The following COG2 variants were observed in gnomAD, a reference collection of about 807,000 sequenced individuals.
The protein encoded by COG2 is component of oligomeric golgi complex 2, also known as conserved oligomeric Golgi complex subunit 2.
A neutral mutation model predicts 90.6 loss-of-function variants in COG2; 52 were observed. The ratio of observed to expected loss-of-function variants is 0.57; its 90% CI spans 0.46 to 0.72. The LOEUF (loss-of-function observed/expected upper bound fraction) is 0.72. Among genes scored for constraint, COG2 ranks in the 30% least tolerant of loss-of-function variants. The pLI is 0.00. For missense variants in COG2, 829 were observed against 891.2 expected (o/e 0.93, Z 0.89); for synonymous variants, 337 against 320.4 (o/e 1.05, Z -0.55).
intron 9 of COG2, among the ~76,000 whole-genome samples, chr1:230,676,378 G>A (rs1240330045): frequency 1.3e-5 from 2 of 151,778 alleles, no homozygotes; most frequent in Non-Finnish European, 2.9e-5. Flanking sequence ...CTTTATTTCT[G>A]TACATATTGA....
intron 1 of COG2, among the ~76,000 whole-genome samples, chr1:230,649,046 A>C (rs1251990567): frequency 2.0e-5 from 3 of 152,206 alleles, no homozygotes; most frequent in Non-Finnish European, 2.9e-5. Flanking sequence ...CCTTCTCGTA[A>C]ATACATCAAA....
chr1:230,691,364 A>G lies in COG2; in HGVS notation c.1935-20A>G, dbSNP rs961900730. On this transcript the variant is annotated intron_variant, in intron 16 of 17. Coordinates refer to ENST00000366669, the MANE Select transcript of COG2 (RefSeq NM_007357.3). ...CACACAAATGCCTCTTTTCACCAAT[A>G]AACGTGTCTTCTATTCAAGGTACTA... 1.9e-6 allele frequency: 3 copies of G among 1,578,086 alleles called. No homozygotes were observed. Among genetic ancestry groups the G allele is most frequent in the African/African-American group, 2.7e-5 (2 of 73,712 alleles).
rs1258601652 is a variant in COG2 at position 230,685,116 on chromosome 1, T to C, written c.1260T>C (p.His420=). 5 of 1,614,180 alleles carry C rather than the reference T, an allele frequency of 3.1e-6. No individual in the cohort carries two copies. Among genetic ancestry groups the C allele is most frequent in the South Asian group, 1.1e-5 (1 of 91,082 alleles). Residue 420 remains histidine, a synonymous_variant, in exon 12 of 18, where the codon CAT becomes CAC. Transcript: ENST00000366669. The part of the protein sequence containing the change: ...AESPYCLLAS[H]RTWSSLRRCW... ...GTCCGTATTGCCTTTTGGCTTCTCA[T>C]AGAACTTGGAGCAGCCTTAGGAGGT... is the stretch of plus-strand genomic sequence containing the variant.
chr1:230,679,675 G>A (rs1233069946), intron 10 of COG2: 1 of 152,176 alleles, frequency 6.6e-6, no homozygotes, highest in Non-Finnish European at 1.5e-5. Flanking sequence ...AAATACTTGG[G>A]GGAAATTTAG....
At chr1:230,661,639 C>G (rs1662180016) in intron 3 of COG2, 1 of 151,742 alleles carries the variant, frequency 6.6e-6, no homozygotes. Flanking sequence ...ATAGTATGCT[C>G]ACAGTAGGTG....
chr1:230,687,008 C>G lies in COG2; in HGVS notation c.1454C>G (p.Pro485Arg). 6.2e-7 allele frequency: 1 copy of G among 1,609,228 alleles called. No individual in the cohort carries two copies. The highest frequency in any genetic ancestry group is 8.5e-7 in the Non-Finnish European group (1 of 1,177,086). ...CCTTTGGTAACTGGTAGCAAAGAACCTTCCATCACCCAAGGAAACACTGAA... is the reference window on the plus strand; with the variant it reads ...CCTTTGGTAACTGGTAGCAAAGAACGTTCCATCACCCAAGGAAACACTGAA... The part of the protein sequence containing the change: ...KKPLVTGSKE[P>R]SITQGNTEDQ... Residue 485 changes from proline to arginine, a missense_variant, in exon 13 of 18, where the codon CCT (proline) becomes CGT (arginine). Coordinates refer to ENST00000366669, the MANE Select transcript of COG2 (RefSeq NM_007357.3).
chr1:230,681,469 A>G (rs1327091285), intron 10 of COG2: 1 of 152,178 alleles, frequency 6.6e-6, no homozygotes, highest in Non-Finnish European at 1.5e-5. Context: ...GGGTGCACTT[A>G]ATGATGTTTC....
At chr1:230,688,587 T>C (rs1662944203) in intron 15 of COG2, 25 bp downstream of exon 15, 1 of 1,612,684 alleles carries the variant, frequency 6.2e-7, no homozygotes. Flanking sequence ...TGGGAGAGAA[T>C]TTTGAGGTGG....
At chr1:230,691,599 T>C in intron 17 of COG2, 35 bp downstream of exon 17, 2 of 1,582,758 alleles carry the variant, frequency 1.3e-6, no homozygotes, top group Admixed American at 3.6e-5. Context: ...CCAGCGAGCC[T>C]GAAACCAAAT....
In COG2 at chr1:230,642,577, T is replaced by A; in HGVS notation, c.-30T>A. 1.2e-6 allele frequency: 2 copies of A among 1,603,908 alleles called. No homozygotes were observed. Among genetic ancestry groups the A allele is most frequent in the Non-Finnish European group, 8.5e-7 (1 of 1,175,130 alleles). On this transcript the variant is annotated 5_prime_UTR_variant, in exon 1 of 18. Transcript: ENST00000366669. Reference sequence around the variant, plus strand: ...AGCCTCCTGCGTTTTCTCGCTTGGATCTTGGCACTGAGAGGCGGTGGCCGG... The same window carrying A: ...AGCCTCCTGCGTTTTCTCGCTTGGAACTTGGCACTGAGAGGCGGTGGCCGG...
chr1:230,679,894 C>T (rs1367811235), intron 10 of COG2: 2 of 152,104 alleles, frequency 1.3e-5, no homozygotes, highest in African/African-American at 2.4e-5. Context: ...GGAATAATTA[C>T]AGAGAGGGAA....
intron 1 of COG2, among the ~76,000 whole-genome samples, chr1:230,648,671 GT>G (rs1661844987): frequency 6.6e-6 from 1 of 152,156 alleles, no homozygotes; most frequent in Admixed American, 6.5e-5. Flanking sequence ...GGTCCCTTGA[GT>G]TTTTATTACT....
intron 1 of COG2, among the ~76,000 whole-genome samples, chr1:230,658,917 G>A (rs1359333500): frequency 6.6e-6 from 1 of 152,136 alleles, no homozygotes; most frequent in Non-Finnish European, 1.5e-5. Context: ...TTGTTATATG[G>A]GGAAAAGCAG....
intron 1 of COG2, among the ~76,000 whole-genome samples, chr1:230,648,529 C>A (rs3761952): frequency 0.053 from 8,124 of 152,290 alleles, 249 homozygotes; most frequent in Middle Eastern, 0.088. Flanking sequence ...GGTATGAGAT[C>A]AGTACCATTG....
At chr1:230,644,982 G>T (rs918742821) in intron 1 of COG2, among the ~76,000 whole-genome samples, 2 of 152,054 alleles carry the variant, frequency 1.3e-5, no homozygotes, top group Non-Finnish European at 2.9e-5. Flanking sequence ...ATCACTTGAG[G>T]GGTCAAAGGT....
chr1:230,683,731 CTGT>C (rs1473692167), intron 11 of COG2, 96 bp downstream of exon 11: 63 of 605,628 alleles, frequency 1.0e-4, no homozygotes, highest in Admixed American at 2.3e-4. Context: ...CGTACTTTTA[CTGT>C]TTTTTTTTTT....
At chr1:230,660,282 A>G (rs1341175094) in intron 2 of COG2, among the ~76,000 whole-genome samples, 1 of 152,242 alleles carries the variant, frequency 6.6e-6, no homozygotes, top group Non-Finnish European at 1.5e-5. Context: ...GGAAATGTAC[A>G]TCTAAGATAA....
At chr1:230,661,925 C>T (rs981756306) in intron 3 of COG2, among the ~76,000 whole-genome samples, 1 of 152,060 alleles carries the variant, frequency 6.6e-6, no homozygotes, top group Admixed American at 6.5e-5. Context: ...TTACATGGCT[C>T]TTGGGTGGCT....
At chr1:230,685,619 G>C (rs1278843239) in intron 12 of COG2, among the ~76,000 whole-genome samples, 3 of 152,080 alleles carry the variant, frequency 2.0e-5, no homozygotes, top group African/African-American at 7.3e-5. Flanking sequence ...TTAATATTTG[G>C]AAGTTTACAA....
Sources: allele counts gnomAD v4.1 joint callset (sites outside exome capture counted in the v4.1 genomes callset), GRCh38; gene constraint gnomAD v4.1.1; transcripts MANE v1.5; gene names NCBI Gene and HGNC (gene_info 2026-07-23, HGNC 2026-07-21).